GRAMD2B: variants seen among roughly 807,000 people sequenced by gnomAD.
GRAMD2B encodes GRAM domain-containing protein 2B.
GRAMD2B carries 41 observed loss-of-function variants against 59.2 expected under a neutral mutation model. The ratio of observed to expected loss-of-function variants is 0.69; its 90% CI spans 0.54 to 0.90. The LOEUF (loss-of-function observed/expected upper bound fraction) is 0.90, where lower values mean the gene tolerates loss of function less well. Among genes scored for constraint, GRAMD2B ranks in the 40% least tolerant of loss-of-function variants. The pLI is 0.00. For missense variants in GRAMD2B, 424 were observed against 500.5 expected (o/e 0.85, Z 1.46); for synonymous variants, 161 against 182.7 (o/e 0.88, Z 0.96).
intron 1 of GRAMD2B, among the ~76,000 whole-genome samples, chr5:126,450,888 C>G (rs896268431): frequency 5.9e-5 from 9 of 152,146 alleles, no homozygotes; most frequent in Admixed American, 2.0e-4. Flanking sequence ...GCCTACATAC[C>G]CAGGCAGAAG....
rs537421152 is a variant in GRAMD2B, at chr5:126,423,456, G to A, written c.-151G>A. 4 of 1,422,678 alleles carry A rather than the reference G, an allele frequency of 2.8e-6. No homozygotes were observed. In the African/African-American group the frequency reaches 6.1e-5, roughly 22 times the overall value. The allele number at this position is 1,422,678 out of a possible 1,614,324, so 88.1% of individuals were successfully genotyped here. A position where few individuals can be genotyped will look rare whatever the true frequency, so the allele number is the denominator to read the frequency against. On this transcript the variant is annotated 5_prime_UTR_variant, in exon 1 of 14. Transcript: ENST00000285689. The stretch of plus-strand genomic sequence containing the variant: ...CCAGGTCCGCGGCCCCGGGAGCTTG[G>A]CGCGGCCCGGCCTGGATGCGCTGGG...
At chr5:126,390,501 T>C (rs1221273917) in intron 1 of GRAMD2B, among the ~76,000 whole-genome samples, 1 of 152,224 alleles carries the variant, frequency 6.6e-6, no homozygotes, top group East Asian at 1.9e-4. Flanking sequence ...TTTTTTGGCC[T>C]AGGATTCTTC....
intron 1 of GRAMD2B, among the ~76,000 whole-genome samples, chr5:126,382,599 A>T (rs1410374709): frequency 6.6e-6 from 1 of 152,114 alleles, no homozygotes; most frequent in African/African-American, 2.4e-5. Flanking sequence ...CATATCCTGT[A>T]ACATTTTAAA....
chr5:126,392,003 A>G (rs1206821784), intron 1 of GRAMD2B, among the ~76,000 whole-genome samples: 3 of 152,266 alleles, frequency 2.0e-5, no homozygotes, highest in Admixed American at 2.0e-4. Flanking sequence ...ATACAAAGTA[A>G]GCAAATAATT....
At chr5:126,430,925 T>C (rs186869026) in intron 1 of GRAMD2B, among the ~76,000 whole-genome samples, 137 of 152,290 alleles carry the variant, frequency 9.0e-4, no homozygotes, top group Admixed American at 2.0e-3. Context: ...GCAACTAATA[T>C]TTATTACTGG....
intron 1 of GRAMD2B, among the ~76,000 whole-genome samples, chr5:126,389,688 C>T (rs1756533667): frequency 6.6e-6 from 1 of 152,174 alleles, no homozygotes; most frequent in South Asian, 2.1e-4. Context: ...TGGCTCACAC[C>T]TGTAATCCCA....
intron 1 of GRAMD2B, among the ~76,000 whole-genome samples, chr5:126,416,725 T>G (rs1435744632): frequency 2.0e-5 from 3 of 152,120 alleles, no homozygotes; most frequent in African/African-American, 7.2e-5. Flanking sequence ...TGGCTCAGGG[T>G]CTGTACCTTC....
At chr5:126,483,122 T>A (rs1772199167) in intron 8 of GRAMD2B, among the ~76,000 whole-genome samples, 1 of 152,256 alleles carries the variant, frequency 6.6e-6, no homozygotes, top group Non-Finnish European at 1.5e-5. Flanking sequence ...CTCTTATATA[T>A]GTCTGTAGTA....
exon 1 of GRAMD2B, chr5:126,360,157 G>T (rs114632099): frequency 3.2e-6 from 2 of 628,426 alleles, no homozygotes; most frequent in Non-Finnish European, 5.5e-6. Context: ...TTTCAAGTGC[G>T]GCTGGTGCCA....
intron 1 of GRAMD2B, among the ~76,000 whole-genome samples, chr5:126,416,688 A>G (rs549496639): frequency 6.6e-6 from 1 of 152,112 alleles, no homozygotes; most frequent in South Asian, 2.1e-4. Context: ...CCTTCTTTCC[A>G]TTCTTAAAAT....
rs567600646 is a variant in GRAMD2B at position 126,486,927 on chromosome 5, G to A, written c.1113G>A (p.Leu371=). 3.7e-6 allele frequency: 6 copies of A among 1,612,402 alleles called. No homozygotes were observed. In the South Asian group the frequency reaches 4.4e-5, roughly 12 times the overall value. The change falls in exon 12 of 14, where the codon CTG becomes CTA. Residue 371 remains leucine, a synonymous_variant. Coordinates refer to ENST00000285689, the MANE Select transcript of GRAMD2B (RefSeq NM_023927.4). ...ACATGAGATACAGAATTAATACTCTGGAGGAGCAGCTGGGGTTACTAACCT... is the reference window on the plus strand; with the variant it reads ...ACATGAGATACAGAATTAATACTCTAGAGGAGCAGCTGGGGTTACTAACCT... ...TFYMRYRINT[L]EEQLGLLTSI...
chr5:126,384,373 C>G (rs1437365908), intron 1 of GRAMD2B, among the ~76,000 whole-genome samples: 1 of 152,196 alleles, frequency 6.6e-6, no homozygotes, highest in African/African-American at 2.4e-5. Context: ...GTGTTTAGAT[C>G]TAGAAATAAA....
chr5:126,445,156 A>G (rs533117216), intron 1 of GRAMD2B, among the ~76,000 whole-genome samples: 34 of 152,304 alleles, frequency 2.2e-4, no homozygotes, highest in African/African-American at 7.7e-4. Context: ...TGCAGTGAAC[A>G]TACTTGTGCC....
chr5:126,377,637 G>C (rs574618833), intron 1 of GRAMD2B, among the ~76,000 whole-genome samples: 6 of 152,276 alleles, frequency 3.9e-5, no homozygotes, highest in Non-Finnish European at 7.4e-5. Context: ...GAATCTATTT[G>C]TGTGATTTGC....
intron 1 of GRAMD2B, among the ~76,000 whole-genome samples, chr5:126,383,874 A>G (rs538953221): frequency 2.0e-5 from 3 of 152,294 alleles, no homozygotes; most frequent in Admixed American, 2.0e-4. Context: ...AGTAGACACA[A>G]TACTCTTTGA....
intron 1 of GRAMD2B, among the ~76,000 whole-genome samples, chr5:126,428,894 C>G (rs1047926272): frequency 6.6e-6 from 1 of 152,134 alleles, no homozygotes; most frequent in African/African-American, 2.4e-5. Flanking sequence ...ATAACAGATG[C>G]TGGCAAGGTT....
At chr5:126,415,553 A>G (rs988966295) in intron 1 of GRAMD2B, among the ~76,000 whole-genome samples, 1 of 152,120 alleles carries the variant, frequency 6.6e-6, no homozygotes, top group Admixed American at 6.6e-5. Flanking sequence ...GGAGGGCTAC[A>G]CAATTTGCCT....
chr5:126,413,949 A>C (rs996393756), intron 1 of GRAMD2B, among the ~76,000 whole-genome samples: 12 of 152,174 alleles, frequency 7.9e-5, no homozygotes, highest in Non-Finnish European at 1.6e-4. Flanking sequence ...AGTAAAGTGC[A>C]TATTAGGATT....
intron 2 of GRAMD2B, among the ~76,000 whole-genome samples, chr5:126,465,855 G>C (rs548438471): frequency 6.6e-6 from 1 of 152,106 alleles, no homozygotes; most frequent in Non-Finnish European, 1.5e-5. Flanking sequence ...GTGTCTGCCC[G>C]GCCTTGGGTG....
Sources: gnomAD v4.1 joint callset for allele counts (sites outside exome capture counted in the v4.1 genomes callset) on GRCh38, gnomAD v4.1.1 for gene constraint, MANE v1.5 for transcripts, NCBI Gene and HGNC (gene_info 2026-07-23, HGNC 2026-07-21) for gene names.